The following OGFR variants were observed in gnomAD, a reference collection of about 807,000 sequenced individuals.
The protein encoded by OGFR is protein 7-60.
Under a neutral mutation model 33.6 loss-of-function variants are expected in OGFR, and 18 were observed. The ratio of observed to expected loss-of-function variants is 0.54; its 90% CI spans 0.37 to 0.80. The LOEUF is 0.80. Ranked by LOEUF, OGFR falls within the 30% of genes least tolerant of loss-of-function variation. OGFR has a pLI of 0.00. For synonymous variants in OGFR, 370 were observed against 400.7 expected (o/e 0.92, Z 0.91); for missense variants, 877 against 955.8 (o/e 0.92, Z 1.09).
At chr20:62,807,319 G>A in intron 1 of OGFR, 2 of 593,426 alleles carry the variant, frequency 3.4e-6, no homozygotes, top group Non-Finnish European at 6.0e-6. Context: ...CTCTGGTTCT[G>A]TGCAGGGTAT....
At chr20:62,809,523 C>T in intron 3 of OGFR, 62 bp from the exon 4 acceptor site, 4 of 1,296,956 alleles carry the variant, frequency 3.1e-6, no homozygotes, top group Non-Finnish European at 2.2e-6. Flanking sequence ...CACCCACACC[C>T]CGTCCTCCTG....
chr20:62,812,330 G>A lies in OGFR; in HGVS notation c.715G>A (p.Glu239Lys). 1 of 1,568,162 alleles carries A rather than the reference G, an allele frequency of 6.4e-7. No individual in the cohort carries two copies. The highest frequency in any genetic ancestry group is 8.6e-7 in the Non-Finnish European group (1 of 1,157,010). The change falls in exon 7 of 7, where the codon GAG becomes AAG. Residue 239 changes from glutamate (E) to lysine (K), a missense_variant. Physicochemically the swap from Glu to Lys is moderately conservative, Grantham distance 56 (BLOSUM62 1). Coordinates refer to ENST00000290291, the MANE Select transcript of OGFR (RefSeq NM_007346.4). ...GCCGCTGGTCCGCTTCTTCCTGGAG[G>A]AGACGCTGGTGCGGCGGGAGCTGCC... ...QAPLVRFFLE[E>K]TLVRRELPGV...
intron 1 of OGFR, 134 bp downstream of exon 1, chr20:62,805,164 C>T: frequency 1.7e-6 from 1 of 599,824 alleles, no homozygotes; most frequent in Non-Finnish European, 2.4e-6. Context: ...GGGACCCCCC[C>T]CCAGACCGGC....
At position 62,813,822 on chromosome 20, in the gene OGFR, CAG is replaced by C. The variant is rs1990809981; in HGVS notation, c.*174_*175del. ...CAGCCACCAGAAGCCGCGAGGCCCTCAGGGAAGCCCAAGGCCTGCAGAAGCCT... is the reference window on the plus strand; with the variant it reads ...CAGCCACCAGAAGCCGCGAGGCCCTCGGAAGCCCAAGGCCTGCAGAAGCCT... On this transcript the variant is annotated 3_prime_UTR_variant, in exon 7 of 7. Coordinates refer to ENST00000290291, the MANE Select transcript of OGFR (RefSeq NM_007346.4). The C allele has an allele frequency of 4.1e-6, 3 of 731,696 alleles. No homozygotes were observed. The highest frequency in any genetic ancestry group is 1.8e-5 in the South Asian group (1 of 54,596). The allele number at this position is 731,696 out of a possible 1,614,324, so 45.3% of individuals were successfully genotyped here. A position where few individuals can be genotyped will look rare whatever the true frequency, so the allele number is the denominator to read the frequency against.
Position 62,810,523 on chromosome 20 carries a change from A to G in OGFR, c.423A>G (p.Gly141=). The G allele has an allele frequency of 6.2e-7, 1 of 1,613,212 alleles. No homozygotes were observed. Among genetic ancestry groups the G allele is most frequent in the Non-Finnish European group, 8.5e-7 (1 of 1,179,872 alleles). ...GGCTGTTTCCTCTGCGAGAACCAGGAGTGAACTGGCATGCCAAGCCCCTCA... is the reference window on the plus strand; with the variant it reads ...GGCTGTTTCCTCTGCGAGAACCAGGGGTGAACTGGCATGCCAAGCCCCTCA... ...IQWLFPLREP[G]VNWHAKPLTL... The change falls in exon 5 of 7, where the codon GGA becomes GGG. Residue 141 remains glycine (G), a synonymous_variant. Coordinates refer to ENST00000290291, the MANE Select transcript of OGFR (RefSeq NM_007346.4).
intron 2 of OGFR, 72 bp downstream of exon 2, chr20:62,807,677 G>A (rs1412554834): frequency 3.3e-6 from 5 of 1,493,970 alleles, no homozygotes; most frequent in Admixed American, 3.6e-5. Flanking sequence ...AATGTCCCAG[G>A]TTCTACTGGA....
rs77478162 is a variant in OGFR, at chr20:62,812,519, C to T, written c.904C>T (p.His302Tyr). The change falls in exon 7 of 7, where the codon CAT becomes TAT. Residue 302 changes from histidine (H) to tyrosine (Y), a missense_variant. By Grantham distance (83) the His-to-Tyr change is moderately conservative. This residue lies in a region of OGFR where 760 missense variants were observed against 736.0 expected (regional missense o/e 1.03). Coordinates refer to ENST00000290291, the MANE Select transcript of OGFR (RefSeq NM_007346.4). Reference sequence around the variant, plus strand: ...GAGGTTCAAGCCCAGCTCTCTGCCCCATCCGCTCGAGGGCTCCAGGAAGGT... The same window carrying T: ...GAGGTTCAAGCCCAGCTCTCTGCCCTATCCGCTCGAGGGCTCCAGGAAGGT... Reference protein sequence around the residue: ...LRRFKPSSLPHPLEGSRKVEE... With the variant: ...LRRFKPSSLPYPLEGSRKVEE... The T allele has an allele frequency of 3.1e-3, 4,849 of 1,585,192 alleles. 112 individuals carry two copies. The African/African-American group carries it at 0.055, about 18-fold the overall frequency.
chr20:62,812,116 TG>T, intron 6 of OGFR, 113 bp from the exon 7 acceptor site: 1 of 863,146 alleles, frequency 1.2e-6, no homozygotes, highest in Non-Finnish European at 1.7e-6. Context: ...GACTGAATCG[TG>T]GGCCAGGGTG....
In OGFR at chr20:62,811,626, T is replaced by TGGCCCCCCCCCCCCCCCC; in HGVS notation, c.614+16_614+17insGGCCCCCCCCCCCCCCCC. On this transcript the variant is annotated intron_variant, in intron 6 of 6. Transcript: ENST00000290291. Reference sequence around the variant, plus strand: ...ACCTGAACTGGTGAGGCCCGGCTGCTCCCGCCCACCCCCACCCCGGCGCAG... The same window carrying TGGCCCCCCCCCCCCCCCC: ...ACCTGAACTGGTGAGGCCCGGCTGCTGGCCCCCCCCCCCCCCCCCCCGCCCACCCCCACCCCGGCGCAG... 2.7e-6 allele frequency: 4 copies of TGGCCCCCCCCCCCCCCCC among 1,502,502 alleles called. No individual in the cohort carries two copies. The highest frequency in any genetic ancestry group is 3.6e-6 in the Non-Finnish European group (4 of 1,110,100). 93.1% of individuals were successfully genotyped at this position (1,502,502 alleles called of 1,614,324 possible).
chr20:62,811,626 T>TGGCGG lies in OGFR; in HGVS notation c.614+16_614+17insGGCGG. The TGGCGG allele has an allele frequency of 4.0e-6, 6 of 1,502,452 alleles. No homozygotes were observed. The highest frequency in any genetic ancestry group is 5.4e-6 in the Non-Finnish European group (6 of 1,110,050). The allele number at this position is 1,502,452 out of a possible 1,614,324, so 93.1% of individuals were successfully genotyped here. A position where few individuals can be genotyped will look rare whatever the true frequency, so the allele number is the denominator to read the frequency against. The stretch of plus-strand genomic sequence containing the variant: ...ACCTGAACTGGTGAGGCCCGGCTGC[T>TGGCGG]CCCGCCCACCCCCACCCCGGCGCAG... On this transcript the variant is annotated intron_variant, in intron 6 of 6. Coordinates refer to ENST00000290291, the MANE Select transcript of OGFR (RefSeq NM_007346.4).
chr20:62,805,493 G>A (rs1313857347), intron 1 of OGFR: 2 of 153,190 alleles, frequency 1.3e-5, no homozygotes, highest in Non-Finnish European at 2.9e-5. Flanking sequence ...GCGGGCCGAC[G>A]GGGCCTCCGC....
At chr20:62,808,741 A>G (rs1375733745) in intron 3 of OGFR, among the ~76,000 whole-genome samples, 3 of 152,166 alleles carry the variant, frequency 2.0e-5, no homozygotes, top group Non-Finnish European at 4.4e-5. Context: ...TGGGAGGCCA[A>G]GGCGGGTGGA....
intron 4 of OGFR, 118 bp from the exon 5 acceptor site, chr20:62,810,381 G>C: frequency 1.1e-6 from 1 of 939,828 alleles, no homozygotes; most frequent in Non-Finnish European, 1.7e-6. Context: ...CTCCCTCCTA[G>C]AGTTGAGCCT....
intron 1 of OGFR, 143 bp from the exon 2 acceptor site, chr20:62,807,394 A>G: frequency 1.4e-6 from 1 of 700,742 alleles, no homozygotes; most frequent in Non-Finnish European, 2.5e-6. Flanking sequence ...CCAGGGCAGG[A>G]GAATGAGAGG....
At position 62,811,533 on chromosome 20, in the gene OGFR, G is replaced by T; in HGVS notation, c.537G>T (p.Gly179=). The change falls in exon 6 of 7, where the codon GGG becomes GGT. Residue 179 remains glycine (G), a synonymous_variant. Transcript: ENST00000290291. The part of the protein sequence containing the change: ...RAYELMLGFY[G]IRLEDRGTGT... ...ACGAGCTCATGCTGGGCTTCTACGG[G>T]ATCCGGCTGGAGGACCGAGGCACGG... 1 of 1,608,086 alleles carries T rather than the reference G, an allele frequency of 6.2e-7. No individual in the cohort carries two copies. The highest frequency in any genetic ancestry group is 8.5e-7 in the Non-Finnish European group (1 of 1,178,104).
At position 62,813,795 on chromosome 20, in the gene OGFR, A is replaced by C; in HGVS notation, c.*146A>C. 2.1e-6 allele frequency: 2 copies of C among 945,702 alleles called. No homozygotes were observed. The highest frequency in any genetic ancestry group is 3.2e-6 in the Non-Finnish European group (2 of 623,382). 58.6% of individuals were successfully genotyped at this position (945,702 alleles called of 1,614,324 possible). ...TGCTGGCCTCCTGTGGGGCCACTAT[A>C]GCAGCCACCAGAAGCCGCGAGGCCC... On this transcript the variant is annotated 3_prime_UTR_variant, in exon 7 of 7. Transcript: ENST00000290291.
At chr20:62,811,667 G>T in intron 6 of OGFR, 57 bp downstream of exon 6, 2 of 1,456,202 alleles carry the variant, frequency 1.4e-6, no homozygotes, top group African/African-American at 1.5e-5. Context: ...GGCCACGTCA[G>T]GTTTCGGGCA....
chr20:62,811,626 T>TGGGGGGCC lies in OGFR; in HGVS notation c.614+16_614+17insGGGGGGCC. The TGGGGGGCC allele has an allele frequency of 6.7e-7, 1 of 1,502,528 alleles. No homozygotes were observed. Among genetic ancestry groups the TGGGGGGCC allele is most frequent in the Non-Finnish European group, 9.0e-7 (1 of 1,110,122 alleles). The allele number at this position is 1,502,528 out of a possible 1,614,324, so 93.1% of individuals were successfully genotyped here. ...ACCTGAACTGGTGAGGCCCGGCTGC[T>TGGGGGGCC]CCCGCCCACCCCCACCCCGGCGCAG... is the stretch of plus-strand genomic sequence containing the variant. On this transcript the variant is annotated intron_variant, in intron 6 of 6. Coordinates refer to ENST00000290291, the MANE Select transcript of OGFR (RefSeq NM_007346.4).
intron 3 of OGFR, 89 bp from the exon 4 acceptor site, chr20:62,809,494 ACT>A: frequency 1.1e-6 from 1 of 938,854 alleles, no homozygotes; most frequent in South Asian, 1.3e-5. Context: ...TGCTGGCAGC[ACT>A]CTCTCCTTAT....
Sources: gnomAD v4.1 joint callset for allele counts (sites outside exome capture counted in the v4.1 genomes callset) on GRCh38, gnomAD v4.1.1 for gene constraint, gnomAD v4.1.1 regional missense constraint, MANE v1.5 for transcripts, NCBI Gene and HGNC (gene_info 2026-07-23, HGNC 2026-07-21) for gene names.